The following TUSC3 variants were observed in gnomAD, a reference collection of about 807,000 sequenced individuals.
TUSC3 encodes the protein dolichyl-diphosphooligosaccharide--protein glycosyltransferase subunit TUSC3.
Under a neutral mutation model 44.8 loss-of-function variants are expected in TUSC3, and 45 were observed. The ratio of observed to expected loss-of-function variants is 1.00; its 90% CI spans 0.79 to 1.29. The LOEUF (loss-of-function observed/expected upper bound fraction) is 1.29. TUSC3 is among the 50% of genes most tolerant of loss of function. The pLI is 0.00. For missense variants in TUSC3, 519 were observed against 437.9 expected (o/e 1.19, Z -1.65); for synonymous variants, 212 against 152.9 (o/e 1.39, Z -2.85).
the TUSC3 span, among the ~76,000 whole-genome samples, chr8:15,849,167 T>G: frequency 3.9e-5 from 6 of 152,180 alleles, no homozygotes; most frequent in Non-Finnish European, 5.9e-5. Context: ...TTGGGGCATT[T>G]AAAACATTAT....
At chr8:15,664,067 G>A (rs142128643) in intron 5 of TUSC3, among the ~76,000 whole-genome samples, 8 of 151,840 alleles carry the variant, frequency 5.3e-5, no homozygotes, top group African/African-American at 1.9e-4. Flanking sequence ...GTAATAGTTG[G>A]CATTACTCTT....
intron 9 of TUSC3, among the ~76,000 whole-genome samples, chr8:15,752,595 T>C (rs1811754612): frequency 6.6e-6 from 1 of 152,060 alleles, no homozygotes; most frequent in Non-Finnish European, 1.5e-5. Flanking sequence ...ATCATGGAGA[T>C]CATATCACTG....
chr8:15,486,136 A>C (rs1180960258), intron 2 of TUSC3, among the ~76,000 whole-genome samples: 1 of 152,128 alleles, frequency 6.6e-6, no homozygotes, highest in Non-Finnish European at 1.5e-5. Context: ...ATGCACAGTG[A>C]CCAATTAGCT....
At chr8:15,806,748 G>T in the TUSC3 span, 1 of 777,682 alleles carries the variant, frequency 1.3e-6, no homozygotes, top group South Asian at 1.6e-5. Flanking sequence ...ACATGCTAAA[G>T]CATTACAGAG....
intron 2 of TUSC3, among the ~76,000 whole-genome samples, chr8:15,625,833 A>G (rs1585166773): frequency 6.6e-6 from 1 of 152,384 alleles, no homozygotes; most frequent in East Asian, 1.9e-4. Flanking sequence ...AGTAGAGAAC[A>G]TGGTGAGCAA....
intron 6 of TUSC3, among the ~76,000 whole-genome samples, chr8:15,716,224 C>A (rs1222780428): frequency 6.6e-6 from 1 of 152,038 alleles, no homozygotes; most frequent in African/African-American, 2.4e-5. Context: ...CCACTGCACT[C>A]CAGCCTGGGC....
intron 9 of TUSC3, among the ~76,000 whole-genome samples, chr8:15,755,340 T>C (rs1811880285): frequency 6.6e-6 from 1 of 152,178 alleles, no homozygotes; most frequent in Admixed American, 6.5e-5. Flanking sequence ...TACTGATTAC[T>C]CAATAAATGT....
At chr8:15,521,293 C>T (rs1163570374) in intron 2 of TUSC3, among the ~76,000 whole-genome samples, 1 of 152,150 alleles carries the variant, frequency 6.6e-6, no homozygotes, top group Non-Finnish European at 1.5e-5. Context: ...TGGCTTACCA[C>T]TGACCTTCAG....
chr8:15,839,308 G>A, the TUSC3 span, among the ~76,000 whole-genome samples: 1 of 152,142 alleles, frequency 6.6e-6, no homozygotes, highest in East Asian at 1.9e-4. Context: ...CTGCAAACAG[G>A]GACAATTTGA....
chr8:15,706,261 CTAATAGTGT>C (rs1199389824), intron 6 of TUSC3, among the ~76,000 whole-genome samples: 1 of 151,562 alleles, frequency 6.6e-6, no homozygotes, highest in Non-Finnish European at 1.5e-5. Flanking sequence ...ATTTGAGAGT[CTAATAGTGT>C]TAATTCTTTG....
intron 7 of TUSC3, among the ~76,000 whole-genome samples, chr8:15,737,286 A>G (rs76293512): frequency 0.039 from 5,909 of 152,240 alleles, 172 homozygotes; most frequent in African/African-American, 0.073. Context: ...ACATTTATCT[A>G]TCTTTAAATT....
At chr8:15,516,991 G>A (rs1801225031) in intron 2 of TUSC3, among the ~76,000 whole-genome samples, 1 of 152,128 alleles carries the variant, frequency 6.6e-6, no homozygotes, top group South Asian at 2.1e-4. Context: ...TAGAATTTTA[G>A]AAATAAGAAG....
At chr8:15,584,715 G>A (rs967824490) in intron 1 of TUSC3, among the ~76,000 whole-genome samples, 5 of 152,098 alleles carry the variant, frequency 3.3e-5, no homozygotes, top group Non-Finnish European at 5.9e-5. Flanking sequence ...GGGTGGTGAA[G>A]GAGGAGGGTG....
intron 5 of TUSC3, among the ~76,000 whole-genome samples, chr8:15,671,949 T>A (rs1341661297): frequency 6.6e-6 from 1 of 152,022 alleles, no homozygotes; most frequent in Non-Finnish European, 1.5e-5. Flanking sequence ...GTAACATACC[T>A]GTTATACAAT....
At chr8:15,781,162 G>T in the TUSC3 span, among the ~76,000 whole-genome samples, 1 of 152,162 alleles carries the variant, frequency 6.6e-6, no homozygotes, top group Non-Finnish European at 1.5e-5. Flanking sequence ...GGAAGGAAGG[G>T]TGCTGTCTGA....
chr8:15,625,999 C>T (rs894521905), intron 2 of TUSC3, among the ~76,000 whole-genome samples: 45 of 152,148 alleles, frequency 3.0e-4, no homozygotes, highest in Admixed American at 2.4e-3. Flanking sequence ...GCGGGCCATC[C>T]GAAGAGGCCA....
At chr8:15,483,124 G>A (rs1800684236) in intron 1 of TUSC3, among the ~76,000 whole-genome samples, 1 of 152,124 alleles carries the variant, frequency 6.6e-6, no homozygotes, top group Non-Finnish European at 1.5e-5. Context: ...AGAATAATTT[G>A]AGAGGAAAGT....
At chr8:15,640,498 A>G (rs77402082) in intron 2 of TUSC3, among the ~76,000 whole-genome samples, 3,469 of 152,128 alleles carry the variant, frequency 0.023, 125 homozygotes, top group African/African-American at 0.077. Context: ...ATAATTCTGA[A>G]ATGTTTTCTC....
At chr8:15,780,777 A>G in the TUSC3 span, among the ~76,000 whole-genome samples, 1 of 152,140 alleles carries the variant, frequency 6.6e-6, no homozygotes, top group Non-Finnish European at 1.5e-5. Context: ...AGCTTTTTAC[A>G]GCTACCACCT....
Sources: allele counts gnomAD v4.1 joint callset (sites outside exome capture counted in the v4.1 genomes callset), GRCh38; gene constraint gnomAD v4.1.1; transcripts MANE v1.5; gene names NCBI Gene and HGNC (gene_info 2026-07-23, HGNC 2026-07-21).